PARD6B: variants seen among roughly 807,000 people sequenced by gnomAD.
PARD6B encodes the protein par-6 family cell polarity regulator beta.
Under a neutral mutation model 10.5 loss-of-function variants are expected in PARD6B, and 4 were observed. The observed-to-expected ratio is 0.38, with a 90% confidence interval of 0.19 to 0.87. PARD6B has a LOEUF of 0.87. Among genes scored for constraint, PARD6B ranks in the 40% least tolerant of loss-of-function variants. The pLI is 0.41. For synonymous variants in PARD6B, 169 were observed against 170.4 expected (o/e 0.99, Z 0.07); for missense variants, 396 against 470.6 (o/e 0.84, Z 1.47).
chr20:50,733,703 G>T (rs182546074), intron 1 of PARD6B, among the ~76,000 whole-genome samples: 1 of 152,230 alleles, frequency 6.6e-6, no homozygotes, highest in East Asian at 1.9e-4. Context: ...TTTGTTATAA[G>T]TTTAGTTTGG....
chr20:50,731,588 C>G lies in PARD6B; in HGVS notation c.-199C>G, dbSNP rs2087470815. 4.5e-6 allele frequency: 2 copies of G among 445,050 alleles called. No individual in the cohort carries two copies. Among genetic ancestry groups the G allele is most frequent in the African/African-American group, 2.1e-5 (1 of 48,298 alleles). The allele number at this position is 445,050 out of a possible 1,614,324, so 27.6% of individuals were successfully genotyped here. On this transcript the variant is annotated 5_prime_UTR_variant, in exon 1 of 3. Coordinates refer to ENST00000371610, the MANE Select transcript of PARD6B (RefSeq NM_032521.3). ...CCGCCTGCCGCGCCACCAGTCCGAC[C>G]CTCGGTCCCGCCGTGTGAGCAGCTG...
rs759723891 is a variant in PARD6B at position 50,750,729 on chromosome 20, G to C, written c.*241G>C. ...GCTGATGAAGTTACGTGCTTTTGCT[G>C]TTTTGTCTGTGGAGAATCAGATGTT... is the stretch of plus-strand genomic sequence containing the variant. On this transcript the variant is annotated 3_prime_UTR_variant, in exon 3 of 3. Coordinates refer to ENST00000371610, the MANE Select transcript of PARD6B (RefSeq NM_032521.3). 2.7e-4 allele frequency: 349 copies of C among 1,276,630 alleles called. No homozygotes were observed. Among genetic ancestry groups the C allele is most frequent in the Non-Finnish European group, 3.3e-4 (329 of 1,008,838 alleles). The allele number at this position is 1,276,630 out of a possible 1,614,324, so 79.1% of individuals were successfully genotyped here. A position where few individuals can be genotyped will look rare whatever the true frequency, so the allele number is the denominator to read the frequency against.
At position 50,751,052 on chromosome 20, in the gene PARD6B, C is replaced by A; in HGVS notation, c.*564C>A. The A allele has an allele frequency of 1.8e-6, 1 of 566,926 alleles. No individual in the cohort carries two copies. The highest frequency in any genetic ancestry group is 2.1e-5 in the African/African-American group (1 of 48,178). 35.1% of individuals were successfully genotyped at this position (566,926 alleles called of 1,614,324 possible). A position where few individuals can be genotyped will look rare whatever the true frequency, so the allele number is the denominator to read the frequency against. Reference sequence around the variant, plus strand: ...TGGCATGATCACAGCTCTCTGCAGCCTCAATCCCCTGGGCTCAAGCAGTCC... The same window carrying A: ...TGGCATGATCACAGCTCTCTGCAGCATCAATCCCCTGGGCTCAAGCAGTCC... On this transcript the variant is annotated 3_prime_UTR_variant, in exon 3 of 3. Transcript: ENST00000371610.
chr20:50,739,173 T>C (rs943250987), intron 2 of PARD6B, among the ~76,000 whole-genome samples: 3 of 152,022 alleles, frequency 2.0e-5, no homozygotes, highest in Admixed American at 2.0e-4. Context: ...GCGGCCAGGC[T>C]TGGTGGCTCA....
In PARD6B at chr20:50,752,538, GT is replaced by G. The variant is rs1416394220; in HGVS notation, c.*2051del. The G allele has an allele frequency of 2.0e-4, 112 of 549,806 alleles. No individual in the cohort carries two copies. Among genetic ancestry groups the G allele is most frequent in the Non-Finnish European group, 2.4e-4 (108 of 458,642 alleles). 34.1% of individuals were successfully genotyped at this position (549,806 alleles called of 1,614,324 possible). A position where few individuals can be genotyped will look rare whatever the true frequency, so the allele number is the denominator to read the frequency against. On this transcript the variant is annotated 3_prime_UTR_variant, in exon 3 of 3. Coordinates refer to ENST00000371610, the MANE Select transcript of PARD6B (RefSeq NM_032521.3). ...ATTCCTTGCCTGATTTTATTGTACA[GT>G]GTGCACAAGCACAATGGTATGCTTG...
chr20:50,742,748 A>G (rs1400753689), intron 2 of PARD6B, among the ~76,000 whole-genome samples: 5 of 152,208 alleles, frequency 3.3e-5, no homozygotes, highest in African/African-American at 9.6e-5. Flanking sequence ...ATACTCTACT[A>G]AAATTTCTTT....
intron 2 of PARD6B, among the ~76,000 whole-genome samples, chr20:50,743,966 T>A (rs527730017): frequency 5.9e-5 from 9 of 152,008 alleles, no homozygotes; most frequent in African/African-American, 1.9e-4. Flanking sequence ...AACGTGGGTG[T>A]CACCTTTGAC....
At chr20:50,739,221 C>T (rs1456529912) in intron 2 of PARD6B, among the ~76,000 whole-genome samples, 3 of 151,634 alleles carry the variant, frequency 2.0e-5, no homozygotes, top group South Asian at 2.1e-4. Context: ...TGGAGGCGGG[C>T]GGATCATCTG....
chr20:50,739,541 A>G (rs936415931), intron 2 of PARD6B, among the ~76,000 whole-genome samples: 6 of 152,152 alleles, frequency 3.9e-5, no homozygotes, highest in Admixed American at 3.9e-4. Context: ...GACCACTCCC[A>G]GGGCTCTGGA....
chr20:50,733,410 G>A (rs1375721651), intron 1 of PARD6B, among the ~76,000 whole-genome samples: 1 of 152,076 alleles, frequency 6.6e-6, no homozygotes, highest in Non-Finnish European at 1.5e-5. Flanking sequence ...GGCAACAAGA[G>A]CAAAACTCCA....
intron 2 of PARD6B, among the ~76,000 whole-genome samples, chr20:50,741,052 C>T (rs2087527546): frequency 6.6e-6 from 1 of 151,602 alleles, no homozygotes; most frequent in Non-Finnish European, 1.5e-5. Flanking sequence ...CCTCTGCTTC[C>T]CAGGTTCAAG....
chr20:50,737,626 C>A (rs1158521127), intron 1 of PARD6B, among the ~76,000 whole-genome samples: 4 of 152,144 alleles, frequency 2.6e-5, no homozygotes, highest in South Asian at 2.1e-4. Context: ...AGAGTTGAGC[C>A]TGCCTCTCTT....
chr20:50,748,453 C>G (rs907722957), intron 2 of PARD6B, among the ~76,000 whole-genome samples: 2 of 152,244 alleles, frequency 1.3e-5, no homozygotes, highest in Non-Finnish European at 2.9e-5. Context: ...GCCCACTCAG[C>G]CTCTGATATT....
chr20:50,747,542 A>G (rs2087575525), intron 2 of PARD6B, among the ~76,000 whole-genome samples: 1 of 100,626 alleles, frequency 9.9e-6, no homozygotes, highest in Admixed American at 1.3e-4. Context: ...AGGGAGAGGC[A>G]TTATTGAAGT....
intron 2 of PARD6B, among the ~76,000 whole-genome samples, chr20:50,740,967 T>C (rs1260652698): frequency 2.0e-5 from 3 of 151,040 alleles, no homozygotes; most frequent in Non-Finnish European, 4.4e-5. Flanking sequence ...GTTTCTTTTT[T>C]TTTTTTTTTT....
chr20:50,736,319 T>G (rs896693145), intron 1 of PARD6B, among the ~76,000 whole-genome samples: 1 of 152,232 alleles, frequency 6.6e-6, no homozygotes, highest in African/African-American at 2.4e-5. Context: ...TACATGATGC[T>G]TAAGGCTGTA....
At position 50,750,305 on chromosome 20, in the gene PARD6B, TA is replaced by T. The variant is rs751010367; in HGVS notation, c.938del (p.Asn313IlefsTer8). 1 of 1,614,246 alleles carries T rather than the reference TA, an allele frequency of 6.2e-7. No homozygotes were observed. The highest frequency in any genetic ancestry group is 8.5e-7 in the Non-Finnish European group (1 of 1,180,040). On this transcript the variant is annotated frameshift_variant, in exon 3 of 3. Transcript: ENST00000371610. LOFTEE classifies it low-confidence loss of function (END_TRUNC). ...CACAGCAGATTCCAAAAGCTGTTCC[TA>T]ATACTGAGAGCCTGGAGTCATTAAC... is the stretch of plus-strand genomic sequence containing the variant. ...VPQQIPKAVP[N>X]TESLESLTQI...
intron 2 of PARD6B, among the ~76,000 whole-genome samples, chr20:50,741,526 GACTT>G (rs2123702856): frequency 6.6e-6 from 1 of 152,190 alleles, no homozygotes; most frequent in South Asian, 2.1e-4. Flanking sequence ...AAATCTGGCA[GACTT>G]ACTTAGTGTA....
Position 50,751,993 on chromosome 20 carries a change from C to T in PARD6B, c.*1505C>T. On this transcript the variant is annotated 3_prime_UTR_variant, in exon 3 of 3. Coordinates refer to ENST00000371610, the MANE Select transcript of PARD6B (RefSeq NM_032521.3). ...TGGATTGCAGGCATGAGCGCCTAGC[C>T]AGGAAGCTATCTTTTCTTGAGTTAT... 1 of 985,396 alleles carries T rather than the reference C, an allele frequency of 1.0e-6. No individual in the cohort carries two copies. The allele number at this position is 985,396 out of a possible 1,614,324, so 61.0% of individuals were successfully genotyped here.
Sources: allele counts gnomAD v4.1 joint callset (sites outside exome capture counted in the v4.1 genomes callset), GRCh38; gene constraint gnomAD v4.1.1; transcripts MANE v1.5; gene names NCBI Gene and HGNC (gene_info 2026-07-23, HGNC 2026-07-21).